RASEF: variants seen among roughly 807,000 people sequenced by gnomAD.
The protein encoded by RASEF is ras and EF-hand domain-containing protein.
In RASEF, 68 loss-of-function variants were observed where a neutral mutation model predicts 90.1. The observed-to-expected ratio is 0.75, with a 90% CI of 0.62 to 0.92. The LOEUF (loss-of-function observed/expected upper bound fraction) is 0.92, where lower values mean the gene tolerates loss of function less well. RASEF is among the 40% of genes least tolerant of loss of function. The probability of loss-of-function intolerance (pLI) is 0.00; values close to 1 mark genes in which losing one functional copy is unlikely to be tolerated. For synonymous variants in RASEF, 331 were observed against 345.2 expected, an observed-to-expected ratio of 0.96 and a Z score of 0.46; for missense variants, 949 against 937.2, an observed-to-expected ratio of 1.01 and a Z score of -0.16.
In RASEF at chr9:83,025,850, T is replaced by C; in HGVS notation, c.503A>G (p.His168Arg). 5 of 1,614,052 alleles carry C rather than the reference T, an allele frequency of 3.1e-6. No homozygotes were observed. Among genetic ancestry groups the C allele is most frequent in the Non-Finnish European group, 4.2e-6 (5 of 1,179,930 alleles). The change falls in exon 2 of 17, where the codon CAT (histidine) becomes CGT (arginine). Residue 168 changes from histidine to arginine, a missense_variant. His to Arg is a conservative substitution (Grantham distance 29). This residue lies in a region of RASEF where 656 missense variants were observed against 592.2 expected (regional missense o/e 1.11). Transcript: ENST00000376447. ...CTCACGGATGAAGTTCTTTATAACA[T>C]GTTCATATGGCTGAATTAATCTTGG... ...VEPRLIQPYEHVIKNFIREIR... is the reference protein window; with the variant it reads ...VEPRLIQPYERVIKNFIREIR...
At chr9:83,099,680 C>T in the RASEF span, among the ~76,000 whole-genome samples, 1 of 152,244 alleles carries the variant, frequency 6.6e-6, no homozygotes, top group African/African-American at 2.4e-5. Flanking sequence ...GTCTAGTCCT[C>T]AGCACACATT....
At chr9:83,085,805 G>A in the RASEF span, among the ~76,000 whole-genome samples, 1 of 152,124 alleles carries the variant, frequency 6.6e-6, no homozygotes, top group Non-Finnish European at 1.5e-5. Flanking sequence ...TGCACCTGTA[G>A]TCCCAGCTAC....
Position 83,059,332 on chromosome 9 carries a change from G to T in RASEF, c.431+3105C>A, listed in dbSNP as rs113717688. ...CTATTTCCTTCTCTTGGCAATCTTT[G>T]AACACCAAGACTGGCTCACAACAGT... On this transcript the variant is annotated intron_variant, in intron 1 of 16. Transcript: ENST00000376447. Among the ~76,000 whole-genome samples the T allele has an allele frequency of 5.2e-3, 670 of 128,546 alleles. 7 individuals are homozygous for T. Among genetic ancestry groups the T allele is most frequent in the African/African-American group, 0.018 (612 of 33,288 alleles). 84.3% of individuals were successfully genotyped at this position (128,546 alleles called of 152,430 possible).
intron 5 of RASEF, 138 bp downstream of exon 5, chr9:83,012,296 T>A (rs1428999235): frequency 2.0e-6 from 1 of 493,860 alleles, no homozygotes; most frequent in Admixed American, 4.2e-5. Context: ...GTATCTTTGA[T>A]CAAAGTTATT....
At position 83,000,311 on chromosome 9, in the gene RASEF, G is replaced by A. The variant is rs1829006205; in HGVS notation, c.1581C>T (p.Asp527=). ...AAGATTTAGCGTTGTCATCTACCAGGTCTGTCTGGGGGGAAAAGCCACAGT... is the reference window on the plus strand; with the variant it reads ...AAGATTTAGCGTTGTCATCTACCAGATCTGTCTGGGGGGAAAAGCCACAGT... ...KPISALSPQT[D]LVDDNAKSFS... Residue 527 remains aspartate (D), a synonymous_variant, in exon 12 of 17, where the codon GAC becomes GAT. Transcript: ENST00000376447. The A allele has an allele frequency of 6.2e-7, 1 of 1,613,444 alleles. No homozygotes were observed. The highest frequency in any genetic ancestry group is 8.5e-7 in the Non-Finnish European group (1 of 1,179,828).
At chr9:83,135,002 T>C in the RASEF span, among the ~76,000 whole-genome samples, 2 of 152,138 alleles carry the variant, frequency 1.3e-5, no homozygotes, top group African/African-American at 4.8e-5. Flanking sequence ...GGCCACATAC[T>C]GTATGATTTC....
the RASEF span, among the ~76,000 whole-genome samples, chr9:83,213,962 G>A: frequency 6.6e-6 from 1 of 152,204 alleles, no homozygotes. Flanking sequence ...GAACATGCCT[G>A]TAATCCCAGC....
In RASEF at chr9:83,043,512, C is replaced by T. The variant is rs80067562; in HGVS notation, c.432-17591G>A. On this transcript the variant is annotated intron_variant, in intron 1 of 16. Coordinates refer to ENST00000376447, the MANE Select transcript of RASEF (RefSeq NM_152573.4). ...CTCAGCAAGCTGTACACTTAACGTT[C>T]TGTGTGCTTTTTTTGCATGTGGTTT... Among the ~76,000 whole-genome samples the T allele has an allele frequency of 5.2e-3, 787 of 152,244 alleles. 4 individuals carry two copies. The highest frequency in any genetic ancestry group is 0.018 in the African/African-American group (757 of 41,522).
At chr9:83,206,055 C>T in the RASEF span, among the ~76,000 whole-genome samples, 1 of 152,084 alleles carries the variant, frequency 6.6e-6, no homozygotes, top group Non-Finnish European at 1.5e-5. Context: ...AAGGCATGTC[C>T]CTCCACCTCA....
At chr9:83,119,582 G>A in the RASEF span, among the ~76,000 whole-genome samples, 1 of 152,158 alleles carries the variant, frequency 6.6e-6, no homozygotes, top group African/African-American at 2.4e-5. Context: ...AGCAAGCCAT[G>A]GAGGAGTTGG....
At chr9:83,101,011 G>C in the RASEF span, among the ~76,000 whole-genome samples, 2 of 152,100 alleles carry the variant, frequency 1.3e-5, no homozygotes, top group Non-Finnish European at 2.9e-5. Flanking sequence ...TGCTCCTCCA[G>C]TTTCAAATAT....
the RASEF span, among the ~76,000 whole-genome samples, chr9:83,133,540 A>C: frequency 6.6e-6 from 1 of 152,138 alleles, no homozygotes; most frequent in East Asian, 1.9e-4. Flanking sequence ...CCTATGACTC[A>C]GTTTCTCCAC....
the RASEF span, among the ~76,000 whole-genome samples, chr9:83,104,729 T>C: frequency 6.6e-6 from 1 of 152,194 alleles, no homozygotes; most frequent in East Asian, 1.9e-4. Context: ...GTAGGATGTA[T>C]CAACTTTCAA....
chr9:83,062,352 AT>A, intron 1 of RASEF, 84 bp downstream of exon 1: 1 of 1,312,646 alleles, frequency 7.6e-7, no homozygotes, highest in Non-Finnish European at 1.1e-6. Context: ...GGGGGGGGCC[AT>A]TGGGTCTGCA....
chr9:83,098,918 C>T, the RASEF span, among the ~76,000 whole-genome samples: 7 of 152,152 alleles, frequency 4.6e-5, no homozygotes, highest in Non-Finnish European at 7.4e-5. Flanking sequence ...GACACAGAGC[C>T]AAACCATATC....
chr9:83,163,193 G>A, the RASEF span, among the ~76,000 whole-genome samples: 79 of 152,282 alleles, frequency 5.2e-4, no homozygotes, highest in Non-Finnish European at 8.7e-4. Flanking sequence ...ACAGTCCATA[G>A]GCATGGCCTC....
At chr9:83,212,359 G>A in the RASEF span, among the ~76,000 whole-genome samples, 9 of 152,256 alleles carry the variant, frequency 5.9e-5, no homozygotes, top group East Asian at 1.7e-3. Context: ...CCAATGTATA[G>A]CTCAAGTTGT....
the RASEF span, among the ~76,000 whole-genome samples, chr9:83,148,053 T>A: frequency 5.9e-5 from 9 of 151,880 alleles, no homozygotes; most frequent in Non-Finnish European, 1.0e-4. Flanking sequence ...AGCTAACAAT[T>A]GGGTGTGAAA....
chr9:83,196,720 C>T, the RASEF span, among the ~76,000 whole-genome samples: 11 of 152,204 alleles, frequency 7.2e-5, no homozygotes, highest in African/African-American at 2.7e-4. Flanking sequence ...TGTCTGACTC[C>T]TTTAATTCTA....
Sources: allele counts gnomAD v4.1 joint callset (sites outside exome capture counted in the v4.1 genomes callset), GRCh38; gene constraint gnomAD v4.1.1; regional missense constraint gnomAD v4.1.1; transcripts MANE v1.5; gene names NCBI Gene and HGNC (gene_info 2026-07-23, HGNC 2026-07-21).